SUGCT: variants seen among roughly 807,000 people sequenced by gnomAD.
SUGCT encodes succinyl-CoA:glutarate CoA-transferase.
SUGCT carries 41 observed loss-of-function variants against 55.0 expected under a neutral mutation model. That is an observed-to-expected ratio of 0.74 (90% confidence interval 0.58 to 0.97). The LOEUF (loss-of-function observed/expected upper bound fraction) is 0.97. Among genes scored for constraint, SUGCT ranks in the 50% least tolerant of loss-of-function variants. SUGCT has a pLI of 0.00. For synonymous variants in SUGCT, 187 were observed against 200.4 expected (o/e 0.93, Z 0.56); for missense variants, 568 against 547.8 (o/e 1.04, Z -0.37).
At chr7:40,943,374 C>T in the SUGCT span, among the ~76,000 whole-genome samples, 2 of 149,698 alleles carry the variant, frequency 1.3e-5, no homozygotes, top group Admixed American at 1.3e-4. Flanking sequence ...TGGTGTGCCG[C>T]ACCCATTAAC....
chr7:40,753,445 A>G (rs992319712), intron 13 of SUGCT, among the ~76,000 whole-genome samples: 1 of 152,250 alleles, frequency 6.6e-6, no homozygotes, highest in African/African-American at 2.4e-5. Context: ...CTATAGATTT[A>G]CACATACATA....
chr7:40,435,940 CTTTTCTT>C (rs1788149956), intron 9 of SUGCT, among the ~76,000 whole-genome samples: 1 of 122,680 alleles, frequency 8.2e-6, no homozygotes, highest in Non-Finnish European at 1.6e-5. Flanking sequence ...CTTTTCTTTT[CTTTTCTT>C]TTTTTTTTTT....
the SUGCT span, among the ~76,000 whole-genome samples, chr7:40,927,435 T>C: frequency 1.3e-5 from 2 of 152,160 alleles, no homozygotes; most frequent in Non-Finnish European, 2.9e-5. Context: ...AGGTCTTTCC[T>C]GTGGAGGACA....
intron 5 of SUGCT, among the ~76,000 whole-genome samples, chr7:40,191,585 T>C (rs1292113951): frequency 2.6e-5 from 4 of 152,226 alleles, no homozygotes; most frequent in Non-Finnish European, 5.9e-5. Context: ...TGTTTCTGTT[T>C]TTCTTTTGAA....
chr7:40,684,087 A>G, intron 12 of SUGCT: 1 of 1,612,370 alleles, frequency 6.2e-7, no homozygotes, highest in Non-Finnish European at 8.5e-7. Flanking sequence ...AGCCTGCTGC[A>G]TTCCTTGGCC....
the SUGCT span, among the ~76,000 whole-genome samples, chr7:40,882,922 A>G: frequency 2.0e-5 from 3 of 152,176 alleles, no homozygotes; most frequent in Admixed American, 1.3e-4. Flanking sequence ...GCCCATCTCC[A>G]TCTGTTCCTT....
At chr7:40,411,308 G>A (rs946816631) in intron 9 of SUGCT, among the ~76,000 whole-genome samples, 7 of 152,292 alleles carry the variant, frequency 4.6e-5, no homozygotes, top group South Asian at 4.1e-4. Context: ...CAAGAGCATC[G>A]CTTGAGCCTG....
At chr7:40,924,941 C>A in the SUGCT span, among the ~76,000 whole-genome samples, 1 of 152,160 alleles carries the variant, frequency 6.6e-6, no homozygotes, top group African/African-American at 2.4e-5. Flanking sequence ...TCACAAATAT[C>A]ATGATGTATT....
chr7:40,250,828 C>CTTCTTTTTTTTTTTT (rs1253390486), intron 7 of SUGCT, among the ~76,000 whole-genome samples: 7 of 121,262 alleles, frequency 5.8e-5, no homozygotes, highest in African/African-American at 2.6e-4. Context: ...TTTCACGCTT[C>CTTCTTTTTTTTTTTT]TTTTTTTTTT....
intron 8 of SUGCT, among the ~76,000 whole-genome samples, chr7:40,303,770 G>A (rs1052058882): frequency 6.6e-6 from 1 of 152,098 alleles, no homozygotes. Context: ...TACTTCCATC[G>A]TTTTGTGCCA....
chr7:41,008,570 C>T, the SUGCT span, among the ~76,000 whole-genome samples: 1 of 152,138 alleles, frequency 6.6e-6, no homozygotes, highest in African/African-American at 2.4e-5. Flanking sequence ...AAGCAGGCCA[C>T]AGCTTGCGTG....
At chr7:40,726,715 T>C (rs1786629824) in intron 12 of SUGCT, among the ~76,000 whole-genome samples, 1 of 152,180 alleles carries the variant, frequency 6.6e-6, no homozygotes, top group Non-Finnish European at 1.5e-5. Flanking sequence ...AGGTCTGTTT[T>C]GGGAGGGCAC....
intron 13 of SUGCT, 33 bp downstream of exon 13, chr7:40,749,530 T>C (rs1488291797): frequency 6.4e-7 from 1 of 1,554,798 alleles, no homozygotes; most frequent in Non-Finnish European, 8.9e-7. Flanking sequence ...CTCTAGCACC[T>C]TTCTTTATTA....
chr7:40,529,490 G>A (rs900721039), intron 12 of SUGCT, among the ~76,000 whole-genome samples: 4 of 152,174 alleles, frequency 2.6e-5, no homozygotes, highest in African/African-American at 4.8e-5. Flanking sequence ...TGTGGGTACC[G>A]TTAATAAACC....
chr7:40,746,892 G>T (rs932536401), intron 12 of SUGCT, among the ~76,000 whole-genome samples: 1 of 152,186 alleles, frequency 6.6e-6, no homozygotes, highest in Non-Finnish European at 1.5e-5. Context: ...ATTACAAAGA[G>T]GTAGTCAGGA....
intron 9 of SUGCT, among the ~76,000 whole-genome samples, chr7:40,417,852 A>G (rs1403750391): frequency 6.6e-6 from 1 of 151,520 alleles, no homozygotes; most frequent in Non-Finnish European, 1.5e-5. Flanking sequence ...TTAATTTCTC[A>G]TTACATTTTT....
intron 12 of SUGCT, among the ~76,000 whole-genome samples, chr7:40,612,944 C>A (rs1798831371): frequency 6.6e-6 from 1 of 152,046 alleles, no homozygotes; most frequent in African/African-American, 2.4e-5. Flanking sequence ...AACAGCCTGG[C>A]CAACATGGTG....
At chr7:40,913,790 T>C in the SUGCT span, among the ~76,000 whole-genome samples, 1 of 152,184 alleles carries the variant, frequency 6.6e-6, no homozygotes, top group African/African-American at 2.4e-5. Flanking sequence ...CTATCTGCAG[T>C]ATGCTCCTCT....
chr7:40,515,192 A>G (rs753795296), intron 12 of SUGCT, among the ~76,000 whole-genome samples: 2 of 152,114 alleles, frequency 1.3e-5, no homozygotes, highest in Non-Finnish European at 2.9e-5. Flanking sequence ...TGAGAGCCAC[A>G]CCCACACCCA....
Sources: allele counts gnomAD v4.1 joint callset (sites outside exome capture counted in the v4.1 genomes callset), GRCh38; gene constraint gnomAD v4.1.1; transcripts MANE v1.5; gene names NCBI Gene and HGNC (gene_info 2026-07-23, HGNC 2026-07-21).